TAFA5: variants seen among roughly 807,000 people sequenced by gnomAD.
TAFA5 encodes the protein TAFA chemokine like family member 5, also known as chemokine-like protein TAFA-5.
A neutral mutation model predicts 15.3 loss-of-function variants in TAFA5; 6 were observed. That is an observed-to-expected ratio of 0.39 (90% CI 0.21 to 0.77). The LOEUF is 0.77. Among genes scored for constraint, TAFA5 ranks in the 30% least tolerant of loss-of-function variants. The pLI is 0.41. For synonymous variants in TAFA5, 103 were observed against 80.7 expected, an observed-to-expected ratio of 1.28 and a Z score of -1.48; for missense variants, 161 against 193.1, an observed-to-expected ratio of 0.83 and a Z score of 0.98.
intron 1 of TAFA5, among the ~76,000 whole-genome samples, chr22:48,636,600 G>A (rs73891315): frequency 7.4e-5 from 11 of 147,996 alleles, no homozygotes; most frequent in African/African-American, 2.7e-4. Context: ...GGATCGCTCC[G>A]AGTGGAGGTG....
intron 2 of TAFA5, among the ~76,000 whole-genome samples, chr22:48,688,481 T>C (rs1188224919): frequency 6.6e-6 from 1 of 152,236 alleles, no homozygotes; most frequent in Non-Finnish European, 1.5e-5. Context: ...AGTCTTGTCT[T>C]GTGTCAGCCT....
intron 1 of TAFA5, among the ~76,000 whole-genome samples, chr22:48,505,058 C>T (rs1362673300): frequency 6.6e-6 from 1 of 152,198 alleles, no homozygotes; most frequent in Non-Finnish European, 1.5e-5. Context: ...TCCAGGCATT[C>T]GGGCACCCAT....
intron 3 of TAFA5, among the ~76,000 whole-genome samples, chr22:48,735,252 C>T (rs1299488568): frequency 6.6e-6 from 1 of 152,186 alleles, no homozygotes; most frequent in Non-Finnish European, 1.5e-5. Context: ...CTAGCCACCC[C>T]GACTGACCTC....
chr22:48,542,240 G>C (rs974704607), intron 1 of TAFA5, among the ~76,000 whole-genome samples: 1 of 145,234 alleles, frequency 6.9e-6, no homozygotes, highest in African/African-American at 2.6e-5. Context: ...CTGTGTGTGT[G>C]TGCATATGTG....
intron 1 of TAFA5, among the ~76,000 whole-genome samples, chr22:48,597,081 C>G (rs1924791508): frequency 6.6e-6 from 1 of 152,326 alleles, no homozygotes; most frequent in East Asian, 1.9e-4. Context: ...TGCTGGGATT[C>G]CAGGTGTGAG....
At chr22:48,746,823 G>C (rs926327382) in intron 3 of TAFA5, among the ~76,000 whole-genome samples, 4 of 152,142 alleles carry the variant, frequency 2.6e-5, no homozygotes, top group Admixed American at 6.5e-5. Context: ...CTCAGCAGAG[G>C]GTCAGCCTGC....
chr22:48,612,971 G>C (rs1925465887), intron 1 of TAFA5, among the ~76,000 whole-genome samples: 1 of 152,132 alleles, frequency 6.6e-6, no homozygotes, highest in African/African-American at 2.4e-5. Context: ...TTGAATGTGA[G>C]CATGTCACAG....
At chr22:48,726,568 G>A (rs1929721587) in intron 3 of TAFA5, among the ~76,000 whole-genome samples, 2 of 137,410 alleles carry the variant, frequency 1.5e-5, no homozygotes, top group East Asian at 2.0e-4. Flanking sequence ...GTGGTGGGCT[G>A]GACAGGTGAA....
chr22:48,700,324 G>T (rs76466138), intron 2 of TAFA5, among the ~76,000 whole-genome samples: 2,828 of 152,240 alleles, frequency 0.019, 82 homozygotes, highest in African/African-American at 0.065. Flanking sequence ...TAGCAGGTGG[G>T]GTGGGGTAGG....
intron 3 of TAFA5, among the ~76,000 whole-genome samples, chr22:48,731,914 T>A (rs1929880193): frequency 6.6e-6 from 1 of 152,224 alleles, no homozygotes; most frequent in Non-Finnish European, 1.5e-5. Flanking sequence ...TCATAGATCA[T>A]GATTCCTCTG....
chr22:48,692,092 CA>C (rs1756321897), intron 2 of TAFA5, among the ~76,000 whole-genome samples: 1 of 152,118 alleles, frequency 6.6e-6, no homozygotes, highest in Non-Finnish European at 1.5e-5. Flanking sequence ...GGCAGTGTGC[CA>C]GGGGGAGGAG....
chr22:48,621,861 C>T (rs1415167825), intron 1 of TAFA5, among the ~76,000 whole-genome samples: 2 of 152,064 alleles, frequency 1.3e-5, no homozygotes, highest in Non-Finnish European at 2.9e-5. Context: ...AGCCTCAGCC[C>T]GGAGCAGGGC....
intron 1 of TAFA5, among the ~76,000 whole-genome samples, chr22:48,589,048 A>G (rs576785773): frequency 3.2e-4 from 49 of 152,348 alleles, no homozygotes; most frequent in Non-Finnish European, 6.5e-4. Context: ...TTGCTTATAA[A>G]TAACTGTGCT....
At chr22:48,724,974 G>T (rs1929673590) in intron 3 of TAFA5, among the ~76,000 whole-genome samples, 2 of 152,230 alleles carry the variant, frequency 1.3e-5, no homozygotes, top group African/African-American at 4.8e-5. Flanking sequence ...TAAGCAAGAG[G>T]GCCAGGGGCG....
intron 3 of TAFA5, among the ~76,000 whole-genome samples, chr22:48,716,311 A>G (rs1929399001): frequency 6.6e-6 from 1 of 152,234 alleles, no homozygotes; most frequent in Non-Finnish European, 1.5e-5. Context: ...AATGTGGCAT[A>G]TACACACCGT....
intron 2 of TAFA5, among the ~76,000 whole-genome samples, chr22:48,681,743 G>A (rs925805260): frequency 3.9e-5 from 6 of 152,118 alleles, no homozygotes; most frequent in African/African-American, 9.7e-5. Context: ...CAGAACACAC[G>A]TGTAGTTATT....
intron 1 of TAFA5, among the ~76,000 whole-genome samples, chr22:48,537,259 T>C (rs1461468560): frequency 6.6e-6 from 1 of 152,178 alleles, no homozygotes; most frequent in Non-Finnish European, 1.5e-5. Flanking sequence ...ATGGCCCGGC[T>C]CCCTGGGGAC....
chr22:48,555,430 G>C (rs1034797740), intron 1 of TAFA5, among the ~76,000 whole-genome samples: 12 of 152,224 alleles, frequency 7.9e-5, no homozygotes, highest in African/African-American at 2.7e-4. Context: ...GCTGCTCCCT[G>C]ATGGAGGACG....
Position 48,619,517 on chromosome 22 carries a change from A to G in TAFA5, c.113-27080A>G, listed in dbSNP as rs575260529. On this transcript the variant is annotated intron_variant, in intron 1 of 3. Coordinates refer to ENST00000402357, the MANE Select transcript of TAFA5 (RefSeq NM_001082967.3). Reference sequence around the variant, plus strand: ...ACTACAGGTGCCCACCACCACACCCAGCTAATTTTTGTATTTTTAGTAGAG... The same window carrying G: ...ACTACAGGTGCCCACCACCACACCCGGCTAATTTTTGTATTTTTAGTAGAG... 2.0e-4 allele frequency among the ~76,000 whole-genome samples: 31 copies of G among 152,272 alleles called. No homozygotes were observed. In the South Asian group the frequency reaches 4.8e-3, roughly 23 times the overall value.
Sources: allele counts gnomAD v4.1 joint callset (sites outside exome capture counted in the v4.1 genomes callset), GRCh38; gene constraint gnomAD v4.1.1; transcripts MANE v1.5; gene names NCBI Gene and HGNC (gene_info 2026-07-23, HGNC 2026-07-21).